MAD1L1: variants seen among roughly 807,000 people sequenced by gnomAD.
The protein encoded by MAD1L1 is mitotic arrest deficient 1 like 1.
A neutral mutation model predicts 96.9 loss-of-function variants in MAD1L1; 95 were observed. The ratio of observed to expected loss-of-function variants is 0.98; its 90% CI spans 0.83 to 1.16. The LOEUF (loss-of-function observed/expected upper bound fraction) is 1.16, where lower values mean the gene tolerates loss of function less well. Among genes scored for constraint, MAD1L1 ranks in the 50% most tolerant of loss-of-function variants. MAD1L1 has a pLI of 0.00. For missense variants in MAD1L1, 1,007 were observed against 954.4 expected, an observed-to-expected ratio of 1.06 and a Z score of -0.73; for synonymous variants, 473 against 396.6, an observed-to-expected ratio of 1.19 and a Z score of -2.29.
intron 12 of MAD1L1, among the ~76,000 whole-genome samples, chr7:2,027,144 TACC>T (rs1310542958): frequency 6.6e-6 from 1 of 152,156 alleles, no homozygotes; most frequent in African/African-American, 2.4e-5. Flanking sequence ...AACTAACTTT[TACC>T]ACAACTGAAT....
At chr7:2,095,191 C>T (rs1381418097) in intron 11 of MAD1L1, among the ~76,000 whole-genome samples, 2 of 152,046 alleles carry the variant, frequency 1.3e-5, no homozygotes, top group South Asian at 2.1e-4. Context: ...TACAGGCACC[C>T]GCCACCACGC....
intron 9 of MAD1L1, among the ~76,000 whole-genome samples, chr7:2,214,429 A>G (rs1232825627): frequency 6.6e-6 from 1 of 152,178 alleles, no homozygotes; most frequent in Non-Finnish European, 1.5e-5. Flanking sequence ...CCAAGGCCCC[A>G]AAACGACCTT....
rs1428662832 is a variant in MAD1L1, at chr7:2,119,334, A to T, written c.1073+29818T>A. ...CTCTCCGCAGCGCCTTCCCTATCGC[A>T]TCTCCATCACCCACCCTTTCTGACA... On this transcript the variant is annotated intron_variant, in intron 11 of 18. Transcript: ENST00000265854. This position sits in a 1 kb window ranked among gnomAD's most constrained non-coding sequence, Gnocchi z 4.6. Among the ~76,000 whole-genome samples, 2 of 152,074 alleles carry T rather than the reference A, an allele frequency of 1.3e-5. No homozygotes were observed. Among genetic ancestry groups the T allele is most frequent in the African/African-American group, 4.8e-5 (2 of 41,404 alleles).
At position 1,827,577 on chromosome 7, in the gene MAD1L1, A is replaced by AGG; in HGVS notation, c.1999-11350_1999-11349insCC. On this transcript the variant is annotated intron_variant, in intron 18 of 18. Coordinates refer to ENST00000265854, the MANE Select transcript of MAD1L1 (RefSeq NM_001013836.2). ...CTCCTGAGCCCGTCCCGGGTGTGGC[A>AGG]TCCTCCCCTCCTGAGCCCGTCCCGG... Among the ~76,000 whole-genome samples, 100 of 24,194 alleles carry AGG rather than the reference A, an allele frequency of 4.1e-3. 6 individuals carry two copies. The highest frequency in any genetic ancestry group is 0.015 in the African/African-American group (93 of 6,314). 15.9% of individuals were successfully genotyped at this position (24,194 alleles called of 152,430 possible).
intron 11 of MAD1L1, among the ~76,000 whole-genome samples, chr7:2,117,742 C>T (rs1217211996): frequency 2.6e-5 from 4 of 152,294 alleles, no homozygotes; most frequent in South Asian, 4.2e-4. Context: ...CTTTATAAAT[C>T]ACCGAGTCTC....
At chr7:1,949,991 G>A (rs1015201514) in intron 16 of MAD1L1, among the ~76,000 whole-genome samples, 1 of 152,246 alleles carries the variant, frequency 6.6e-6, no homozygotes, top group Admixed American at 6.5e-5. Context: ...CCAAGTGGCA[G>A]CAGCAGGGAC....
chr7:2,071,425 C>T (rs1016880040), intron 11 of MAD1L1, among the ~76,000 whole-genome samples: 4 of 152,216 alleles, frequency 2.6e-5, no homozygotes, highest in East Asian at 1.9e-4. Flanking sequence ...ATTTCAGCCG[C>T]GTGTGATCTT....
chr7:2,120,002 C>G (rs1347942762), intron 11 of MAD1L1, among the ~76,000 whole-genome samples: 3 of 152,172 alleles, frequency 2.0e-5, no homozygotes, highest in Non-Finnish European at 4.4e-5. Context: ...GTGGAGGAGC[C>G]CCAGTTCATG....
intron 18 of MAD1L1, among the ~76,000 whole-genome samples, chr7:1,887,132 G>A (rs1401750149): frequency 6.6e-6 from 1 of 152,196 alleles, no homozygotes; most frequent in Admixed American, 6.5e-5. Context: ...TGCCTGACTT[G>A]CTTTCCCTGC....
At chr7:2,033,168 T>C (rs995037945) in intron 12 of MAD1L1, among the ~76,000 whole-genome samples, 1 of 152,258 alleles carries the variant, frequency 6.6e-6, no homozygotes, top group Non-Finnish European at 1.5e-5. Flanking sequence ...GGCCCTGTGC[T>C]GGCCAGGAGG....
chr7:2,041,764 G>T (rs1256393415), intron 12 of MAD1L1, among the ~76,000 whole-genome samples: 1 of 152,178 alleles, frequency 6.6e-6, no homozygotes. Context: ...CCCGAGAGGA[G>T]TAGAAAACTC....
intron 17 of MAD1L1, among the ~76,000 whole-genome samples, chr7:1,930,833 T>C (rs1789428766): frequency 6.6e-6 from 1 of 152,090 alleles, no homozygotes; most frequent in Admixed American, 6.5e-5. Flanking sequence ...CCTGCTGGCC[T>C]GAAGCCCTCA....
chr7:2,047,084 G>A (rs1320117577), intron 12 of MAD1L1, among the ~76,000 whole-genome samples: 1 of 152,158 alleles, frequency 6.6e-6, no homozygotes. Context: ...CACCCTCCTG[G>A]GCAAACAGTC....
rs911341342 is a variant in MAD1L1 at position 2,057,451 on chromosome 7, T to G, written c.1218+11743A>C. Among the ~76,000 whole-genome samples, 8 of 151,970 alleles carry G rather than the reference T, an allele frequency of 5.3e-5. No individual in the cohort carries two copies. The East Asian group carries it at 5.8e-4, about 11-fold the overall frequency. On this transcript the variant is annotated intron_variant, in intron 12 of 18. Coordinates refer to ENST00000265854, the MANE Select transcript of MAD1L1 (RefSeq NM_001013836.2). ...ACTGCTTGAACCCGGGAGGCAGAGGTTGCAGTGAGCCAAGATTGCACCACT... is the reference window on the plus strand; with the variant it reads ...ACTGCTTGAACCCGGGAGGCAGAGGGTGCAGTGAGCCAAGATTGCACCACT...
At chr7:2,180,377 G>A (rs1477738897) in intron 10 of MAD1L1, among the ~76,000 whole-genome samples, 1 of 152,202 alleles carries the variant, frequency 6.6e-6, no homozygotes, top group African/African-American at 2.4e-5. Context: ...GAAATCTCTG[G>A]CTAATATTCA....
chr7:1,839,129 G>T (rs1428303497), intron 18 of MAD1L1, among the ~76,000 whole-genome samples: 2 of 152,208 alleles, frequency 1.3e-5, no homozygotes, highest in Non-Finnish European at 2.9e-5. Flanking sequence ...GAGCAACAGG[G>T]AGGCCCTCCC....
chr7:1,989,528 G>A (rs946055770), intron 14 of MAD1L1, among the ~76,000 whole-genome samples: 8 of 152,226 alleles, frequency 5.3e-5, no homozygotes, highest in East Asian at 1.9e-4. Flanking sequence ...CCTGGAAGAC[G>A]GAGCTCGCAC....
chr7:2,231,315 GAATA>G (rs974885390), intron 1 of MAD1L1, among the ~76,000 whole-genome samples: 6 of 151,676 alleles, frequency 4.0e-5, no homozygotes, highest in East Asian at 2.0e-4. Flanking sequence ...ATAAATGAAT[GAATA>G]AATAAATAAA....
At chr7:1,868,377 C>T (rs1276978887) in intron 18 of MAD1L1, among the ~76,000 whole-genome samples, 3 of 152,198 alleles carry the variant, frequency 2.0e-5, no homozygotes, top group African/African-American at 7.2e-5. Flanking sequence ...GCCCAGCACA[C>T]ACCACGCTTC....
Sources: allele counts gnomAD v4.1 joint callset (sites outside exome capture counted in the v4.1 genomes callset), GRCh38; gene constraint gnomAD v4.1.1; non-coding constraint Gnocchi (gnomAD v3.1); transcripts MANE v1.5; gene names NCBI Gene and HGNC (gene_info 2026-07-23, HGNC 2026-07-21).